The following KLF12 variants were observed in gnomAD, a reference collection of about 807,000 sequenced individuals.
The protein encoded by KLF12 is KLF transcription factor 12, also known as Krueppel-like factor 12.
A neutral mutation model predicts 37.8 loss-of-function variants in KLF12; 9 were observed. The observed-to-expected ratio is 0.24, with a 90% confidence interval of 0.14 to 0.42. KLF12 has a LOEUF of 0.42. Ranked by LOEUF, KLF12 falls within the 10% of genes least tolerant of loss-of-function variation. The pLI, the probability that KLF12 is intolerant of heterozygous loss-of-function variation, is 1.00. For missense variants in KLF12, 411 were observed against 516.0 expected (o/e 0.80, Z 1.97); for synonymous variants, 208 against 202.1 (o/e 1.03, Z -0.25).
At chr13:74,090,527 A>T (rs1427289540) in intron 1 of KLF12, among the ~76,000 whole-genome samples, 1 of 152,198 alleles carries the variant, frequency 6.6e-6, no homozygotes, top group Non-Finnish European at 1.5e-5. Context: ...GCTGATTCTA[A>T]AATGCATGTA....
the KLF12 span, among the ~76,000 whole-genome samples, chr13:74,213,494 G>A: frequency 1.3e-5 from 2 of 151,086 alleles, no homozygotes; most frequent in South Asian, 4.2e-4. Context: ...ATTTTTTTTG[G>A]CATCTATAGA....
intron 2 of KLF12, among the ~76,000 whole-genome samples, chr13:73,984,750 A>C (rs1257184178): frequency 6.6e-6 from 1 of 152,202 alleles, no homozygotes; most frequent in Non-Finnish European, 1.5e-5. Flanking sequence ...ACTGATACAG[A>C]ATTTGGCACC....
rs564619044 is a variant in KLF12, at chr13:74,128,184, ACTT to A, written c.-32+5552_-32+5554del. On this transcript the variant is annotated intron_variant, in intron 1 of 7. Coordinates refer to ENST00000377669, the MANE Select transcript of KLF12 (RefSeq NM_007249.5). ...TAACTTTTATACCAGCTACGTTGAA[ACTT>A]TTTAAGAGTGACTTTCTCAAGGTCA... 1.6e-3 allele frequency among the ~76,000 whole-genome samples: 247 copies of A among 152,246 alleles called. 1 individual carries two copies. Among genetic ancestry groups the A allele is most frequent in the African/African-American group, 5.5e-3 (230 of 41,562 alleles).
the KLF12 span, among the ~76,000 whole-genome samples, chr13:74,181,341 T>A: frequency 7.1e-6 from 1 of 139,978 alleles, no homozygotes; most frequent in Non-Finnish European, 1.5e-5. Context: ...GAAAAAAGAA[T>A]AGAAAACATT....
At chr13:74,260,588 T>TAAAATAAAATAAAATAAAAA in the KLF12 span, among the ~76,000 whole-genome samples, 2 of 107,496 alleles carry the variant, frequency 1.9e-5, no homozygotes, top group African/African-American at 6.9e-5. Context: ...TAAAATAAAA[T>TAAAATAAAATAAAATAAAAA]AAAATAAAAT....
At chr13:74,224,583 T>C in the KLF12 span, among the ~76,000 whole-genome samples, 5 of 152,320 alleles carry the variant, frequency 3.3e-5, no homozygotes, top group South Asian at 6.2e-4. Context: ...ATTACATACG[T>C]TGTAGCATAT....
intron 3 of KLF12, among the ~76,000 whole-genome samples, chr13:73,851,259 G>GT (rs1566416265): frequency 6.6e-6 from 1 of 152,090 alleles, no homozygotes; most frequent in Non-Finnish European, 1.5e-5. Flanking sequence ...TGAATGTAGC[G>GT]TAAGATATAT....
chr13:74,144,204 A>C, the KLF12 span, among the ~76,000 whole-genome samples: 1 of 152,212 alleles, frequency 6.6e-6, no homozygotes, highest in South Asian at 2.1e-4. Flanking sequence ...AACGTGAGGC[A>C]TCTGATGCTT....
intron 1 of KLF12, among the ~76,000 whole-genome samples, chr13:73,995,563 T>C (rs894327854): frequency 6.6e-6 from 1 of 152,136 alleles, no homozygotes; most frequent in African/African-American, 2.4e-5. Flanking sequence ...AAATAATGAA[T>C]ACAAATAAAT....
chr13:73,873,074 T>A (rs1400806668), intron 3 of KLF12, among the ~76,000 whole-genome samples: 1 of 152,142 alleles, frequency 6.6e-6, no homozygotes, highest in Non-Finnish European at 1.5e-5. Flanking sequence ...GGTTAGTGCA[T>A]TGACCATTTC....
At chr13:74,277,454 A>T in the KLF12 span, among the ~76,000 whole-genome samples, 3 of 152,120 alleles carry the variant, frequency 2.0e-5, no homozygotes, top group African/African-American at 7.2e-5. Context: ...ATTATTCAGT[A>T]AGTGTTTAAT....
intron 4 of KLF12, chr13:73,845,167 G>A (rs917238889): frequency 3.9e-5 from 6 of 151,998 alleles, no homozygotes; most frequent in Non-Finnish European, 5.9e-5. Context: ...ACCCTAAAAG[G>A]GAATATTAAT....
At chr13:73,977,789 A>G (rs1891573925) in intron 2 of KLF12, among the ~76,000 whole-genome samples, 1 of 152,228 alleles carries the variant, frequency 6.6e-6, no homozygotes, top group Non-Finnish European at 1.5e-5. Flanking sequence ...GATTAGTGGA[A>G]CAGAACAGAG....
chr13:73,732,104 AG>A (rs1434661912), intron 6 of KLF12, among the ~76,000 whole-genome samples: 1 of 131,850 alleles, frequency 7.6e-6, no homozygotes, highest in African/African-American at 2.9e-5. Flanking sequence ...TTTTTTTGAG[AG>A]GGAGTTTTGC....
chr13:74,102,010 G>A (rs555096653), intron 1 of KLF12, among the ~76,000 whole-genome samples: 1 of 151,540 alleles, frequency 6.6e-6, no homozygotes, highest in Non-Finnish European at 1.5e-5. Flanking sequence ...ACAAGGTCAG[G>A]AGTTCGGGAC....
the KLF12 span, among the ~76,000 whole-genome samples, chr13:74,203,313 C>G: frequency 2.6e-5 from 4 of 152,008 alleles, no homozygotes; most frequent in Non-Finnish European, 4.4e-5. Flanking sequence ...TCTGCTTTCT[C>G]TAACCTGGAA....
chr13:73,873,886 G>A (rs1007985045), intron 3 of KLF12, among the ~76,000 whole-genome samples: 1 of 151,752 alleles, frequency 6.6e-6, no homozygotes, highest in Non-Finnish European at 1.5e-5. Flanking sequence ...AATTAAGAAG[G>A]CCCTCAGAAT....
At chr13:74,209,455 G>A in the KLF12 span, among the ~76,000 whole-genome samples, 1 of 150,274 alleles carries the variant, frequency 6.7e-6, no homozygotes, top group East Asian at 2.0e-4. Context: ...TGCACTAAAT[G>A]TTCAATAAAT....
intron 3 of KLF12, among the ~76,000 whole-genome samples, chr13:73,916,851 T>G (rs1322374317): frequency 6.6e-6 from 1 of 152,178 alleles, no homozygotes; most frequent in Non-Finnish European, 1.5e-5. Flanking sequence ...ACACTGTAAG[T>G]GCAAGGACTG....
Sources: allele counts gnomAD v4.1 joint callset (sites outside exome capture counted in the v4.1 genomes callset), GRCh38; gene constraint gnomAD v4.1.1; transcripts MANE v1.5; gene names NCBI Gene and HGNC (gene_info 2026-07-23, HGNC 2026-07-21).